The following ASPA variants were observed in gnomAD, a reference collection of about 807,000 sequenced individuals.
ASPA encodes the protein ACY-2.
ASPA carries 25 observed loss-of-function variants against 29.6 expected under a neutral mutation model. That is an observed-to-expected ratio of 0.85 (90% CI 0.62 to 1.18). ASPA has a LOEUF of 1.18. Ranked by LOEUF, ASPA falls within the 50% of genes most tolerant of loss-of-function variation. The pLI, the probability that ASPA is intolerant of heterozygous loss-of-function variation, is 0.00. For synonymous variants in ASPA, 131 were observed against 130.3 expected (o/e 1.01, Z -0.04); for missense variants, 333 against 385.7 (o/e 0.86, Z 1.14).
At chr17:3,484,838 G>C (rs929882296) in intron 3 of ASPA, among the ~76,000 whole-genome samples, 2 of 151,946 alleles carry the variant, frequency 1.3e-5, no homozygotes, top group African/African-American at 4.8e-5. Context: ...CATATACAAG[G>C]GCCCCAAACC....
In ASPA at chr17:3,481,745, A is replaced by T. The variant is rs769555860; in HGVS notation, c.379A>T (p.Ile127Phe). Residue 127 changes from isoleucine to phenylalanine, a missense_variant, in exon 2 of 6, where the codon ATT becomes TTT. Coordinates refer to ENST00000263080, the MANE Select transcript of ASPA (RefSeq NM_000049.4). ...NTTSNMGCTL[I>F]LEDSRNNFLI... Reference sequence around the variant, plus strand: ...CACCTCTAACATGGGGTGCACTCTTATTCTTGAGGATTCCAGGAATAACTT... The same window carrying T: ...CACCTCTAACATGGGGTGCACTCTTTTTCTTGAGGATTCCAGGAATAACTT... 3 of 1,613,374 alleles carry T rather than the reference A, an allele frequency of 1.9e-6. No homozygotes were observed. The South Asian group carries it at 3.3e-5, about 18-fold the overall frequency.
Position 3,481,799 on chromosome 17 carries a change from G to A in ASPA, c.432+1G>A. 1 of 1,590,380 alleles carries A rather than the reference G, an allele frequency of 6.3e-7. No individual in the cohort carries two copies. Among genetic ancestry groups the A allele is most frequent in the Non-Finnish European group, 8.6e-7 (1 of 1,162,794 alleles). On this transcript the variant is annotated splice_donor_variant, in intron 2 of 5. Coordinates refer to ENST00000263080, the MANE Select transcript of ASPA (RefSeq NM_000049.4). LOFTEE classifies it high-confidence loss of function. ...AATTCAGATGTTTCATTACATTAAG[G>A]TAATGTTAATGTTATTAATTTATAA...
At chr17:3,474,994 C>A (rs1481451594), upstream of ASPA, among the ~76,000 whole-genome samples, 1 of 152,128 alleles carries the variant, frequency 6.6e-6, no homozygotes. Context: ...CCTAACCCAC[C>A]CTATCGTATA....
intron 1 of ASPA, among the ~76,000 whole-genome samples, chr17:3,481,169 C>G (rs1459406665): frequency 1.3e-5 from 2 of 152,048 alleles, no homozygotes; most frequent in Admixed American, 6.6e-5. Flanking sequence ...ATGTGAGCCC[C>G]TAAGTGACTA....
rs528972033 is a variant in ASPA at position 3,499,221 on chromosome 17, T to C, written c.*133T>C. On this transcript the variant is annotated 3_prime_UTR_variant, in exon 6 of 6. Coordinates refer to ENST00000263080, the MANE Select transcript of ASPA (RefSeq NM_000049.4). ...CACAGTGCCTTATTCGGTAGGCATCTAAGCACATTTCTTAAATTAATTAAT... is the reference window on the plus strand; with the variant it reads ...CACAGTGCCTTATTCGGTAGGCATCCAAGCACATTTCTTAAATTAATTAAT... The C allele has an allele frequency of 4.1e-5, 32 of 788,056 alleles. No homozygotes were observed. The Admixed American group carries it at 6.5e-4, about 16-fold the overall frequency. 48.8% of individuals were successfully genotyped at this position (788,056 alleles called of 1,614,324 possible).
chr17:3,476,559 T>A (rs999007460), intron 1 of ASPA, among the ~76,000 whole-genome samples, 164 bp downstream of exon 1: 5 of 152,228 alleles, frequency 3.3e-5, no homozygotes, highest in African/African-American at 9.7e-5. Context: ...GCATTGTGAA[T>A]TGCACAATTA....
At chr17:3,495,781 A>C (rs1024444153) in intron 5 of ASPA, among the ~76,000 whole-genome samples, 1 of 152,090 alleles carries the variant, frequency 6.6e-6, no homozygotes, top group African/African-American at 2.4e-5. Context: ...GTTGGCCAGG[A>C]TGGTCTCAAT....
intron 5 of ASPA, among the ~76,000 whole-genome samples, chr17:3,495,774 G>A (rs1372993223): frequency 1.3e-5 from 2 of 152,030 alleles, no homozygotes; most frequent in African/African-American, 2.4e-5. Context: ...TCACCATGTT[G>A]GCCAGGATGG....
Position 3,500,226 on chromosome 17 carries a change from G to C in ASPA, c.*1138G>C, listed in dbSNP as rs1391862022. ...AAACCTACAAGTGGAAAGCGAACCA[G>C]CAAGTTGCTGATGTGGAAGCTGTAG... On this transcript the variant is annotated 3_prime_UTR_variant, in exon 6 of 6. Transcript: ENST00000263080. 6.6e-6 allele frequency: 1 copy of C among 152,268 alleles called. No individual in the cohort carries two copies. The highest frequency in any genetic ancestry group is 2.4e-5 in the African/African-American group (1 of 41,472). 9.4% of individuals were successfully genotyped at this position (152,268 alleles called of 1,614,324 possible).
At chr17:3,498,479 C>T (rs2073944884) in intron 5 of ASPA, among the ~76,000 whole-genome samples, 2 of 152,028 alleles carry the variant, frequency 1.3e-5, no homozygotes, top group East Asian at 3.9e-4. Flanking sequence ...TCCTGAGTAT[C>T]TGGGACTACA....
intron 4 of ASPA, among the ~76,000 whole-genome samples, chr17:3,493,496 G>C (rs1315407475): frequency 6.8e-6 from 1 of 147,460 alleles, no homozygotes; most frequent in East Asian, 2.0e-4. Flanking sequence ...GGGAGGTGGA[G>C]GTTGCAGTGA....
chr17:3,481,342 A>G (rs942870199), intron 1 of ASPA, among the ~76,000 whole-genome samples: 6 of 152,194 alleles, frequency 3.9e-5, no homozygotes, highest in Non-Finnish European at 8.8e-5. Context: ...ATTCTGTTTG[A>G]TATGTCCTAT....
At chr17:3,481,524 T>C in intron 1 of ASPA, 79 bp from the exon 2 acceptor site, 2 of 1,377,304 alleles carry the variant, frequency 1.5e-6, no homozygotes, top group Non-Finnish European at 2.0e-6. Context: ...ACTGGTTCTT[T>C]TTACACTGTG....
At chr17:3,483,443 A>G in intron 2 of ASPA, 56 bp from the exon 3 acceptor site, 4 of 1,471,990 alleles carry the variant, frequency 2.7e-6, no homozygotes, top group Non-Finnish European at 3.8e-6. Flanking sequence ...CTGTTGAAGC[A>G]AAGAGAACAA....
At chr17:3,477,643 G>A (rs1336844179) in intron 1 of ASPA, among the ~76,000 whole-genome samples, 10 of 151,854 alleles carry the variant, frequency 6.6e-5, no homozygotes, top group Non-Finnish European at 1.2e-4. Context: ...TAGTAGAGAC[G>A]GGGTTTCTCC....
In ASPA at chr17:3,485,872, G is replaced by T. The variant is rs1226027738; in HGVS notation, c.526+2280G>T. On this transcript the variant is annotated intron_variant, in intron 3 of 5. Coordinates refer to ENST00000263080, the MANE Select transcript of ASPA (RefSeq NM_000049.4). This position sits in a 1 kb window ranked among gnomAD's most constrained non-coding sequence, Gnocchi z 4.4. ...ATTACCCAAGCTCCAGTTCCCACAG[G>T]GTGACATAGAGAGAGCCAGATGGCA... Among the ~76,000 whole-genome samples, 1 of 151,862 alleles carries T rather than the reference G, an allele frequency of 6.6e-6. No homozygotes were observed. The highest frequency in any genetic ancestry group is 1.5e-5 in the Non-Finnish European group (1 of 68,012).
rs781101461 is a variant in ASPA at position 3,485,509 on chromosome 17, G to A, written c.526+1917G>A. Among the ~76,000 whole-genome samples the A allele has an allele frequency of 3.9e-5, 6 of 152,088 alleles. No homozygotes were observed. Among genetic ancestry groups the A allele is most frequent in the African/African-American group, 1.2e-4 (5 of 41,428 alleles). On this transcript the variant is annotated intron_variant, in intron 3 of 5. Transcript: ENST00000263080. The surrounding 1 kb of genome is among the most constrained non-coding windows in gnomAD (Gnocchi z 4.4). ...GCCGGGGCAACAAAAGTGAAACTCC[G>A]TCTCAAAAAAACAAACAAACAAAAA...
intron 3 of ASPA, among the ~76,000 whole-genome samples, chr17:3,486,437 C>T (rs1300589921): frequency 1.3e-5 from 2 of 152,314 alleles, no homozygotes; most frequent in East Asian, 1.9e-4. Flanking sequence ...CCTCTTACCA[C>T]CTGCTTTGCA....
At position 3,499,107 on chromosome 17, in the gene ASPA, A is replaced by G; in HGVS notation, c.*19A>G. ...ACATTAGAAATCACTTCCAGCTTAC[A>G]TCTTACACGGTGTCTTACAAATTCT... On this transcript the variant is annotated 3_prime_UTR_variant, in exon 6 of 6. Transcript: ENST00000263080. 6.2e-7 allele frequency: 1 copy of G among 1,609,602 alleles called. No individual in the cohort carries two copies. Among genetic ancestry groups the G allele is most frequent in the Non-Finnish European group, 8.5e-7 (1 of 1,177,434 alleles).
Sources: allele counts gnomAD v4.1 joint callset (sites outside exome capture counted in the v4.1 genomes callset), GRCh38; gene constraint gnomAD v4.1.1; non-coding constraint Gnocchi (gnomAD v3.1); transcripts MANE v1.5; gene names NCBI Gene and HGNC (gene_info 2026-07-23, HGNC 2026-07-21).